The following UPF2 variants were observed in gnomAD, a reference collection of about 807,000 sequenced individuals.
The protein encoded by UPF2 is UPF2 regulator of nonsense mediated mRNA decay.
In UPF2, 17 loss-of-function variants were observed where a neutral mutation model predicts 141.4. That is an observed-to-expected ratio of 0.12 (90% CI 0.08 to 0.18). The LOEUF (loss-of-function observed/expected upper bound fraction) is 0.18. Among genes scored for constraint, UPF2 ranks in the 10% least tolerant of loss-of-function variants. The probability of loss-of-function intolerance (pLI) is 1.00; values close to 1 mark genes in which losing one functional copy is unlikely to be tolerated. For missense variants in UPF2, 1,152 were observed against 1,515.9 expected, an observed-to-expected ratio of 0.76 and a Z score of 3.99; for synonymous variants, 540 against 498.0, an observed-to-expected ratio of 1.08 and a Z score of -1.12.
At chr10:11,930,257 T>G (rs897104889) in intron 20 of UPF2, among the ~76,000 whole-genome samples, 7 of 152,232 alleles carry the variant, frequency 4.6e-5, no homozygotes, top group Non-Finnish European at 7.3e-5. Context: ...TAAGAGGCAG[T>G]GCATTGCAAT....
Position 12,035,077 on chromosome 10 carries a change from T to A in UPF2, c.347A>T (p.Glu116Val), listed in dbSNP as rs150841556. ...EEQAKRQQEE[E>V]AAAQMKEKEE... The stretch of plus-strand genomic sequence containing the variant: ...GCCTTACTTCATCTGAGCAGCTGCT[T>A]CTTCTTCTTGCTGACGTTTGGCCTG... Residue 116 changes from glutamate (E) to valine (V), a missense_variant, in exon 2 of 22, where the codon GAA (glutamate) becomes GTA (valine). Coordinates refer to ENST00000357604, the MANE Select transcript of UPF2 (RefSeq NM_015542.4). 4 of 1,568,840 alleles carry A rather than the reference T, an allele frequency of 2.5e-6. No homozygotes were observed. The Middle Eastern group carries it at 6.9e-4, about 269-fold the overall frequency.
chr10:11,931,697 C>T lies in UPF2; in HGVS notation c.3632G>A (p.Arg1211Lys). ...GATATCTAGTGTGAGCTTTTTCATT[C>T]TCATCCTCTCTTCTTGTTCTGCCTG... ...QQQAEQEERMRMKKLTLDINE... is the reference protein window; with the variant it reads ...QQQAEQEERMKMKKLTLDINE... Residue 1211 changes from arginine to lysine, a missense_variant, in exon 20 of 22, where the codon AGA (arginine) becomes AAA (lysine). Physicochemically the swap from Arg to Lys is conservative, Grantham distance 26. This residue lies in a region of UPF2 where 66 missense variants were observed against 123.5 expected (regional missense o/e 0.53). Transcript: ENST00000357604. This position sits in a 1 kb window ranked among gnomAD's most constrained non-coding sequence, Gnocchi z 5.9. 3.7e-6 allele frequency: 6 copies of T among 1,613,406 alleles called. No homozygotes were observed. Among genetic ancestry groups the T allele is most frequent in the Non-Finnish European group, 4.2e-6 (5 of 1,179,902 alleles).
At chr10:11,954,434 G>C (rs1833116331) in intron 14 of UPF2, among the ~76,000 whole-genome samples, 1 of 151,738 alleles carries the variant, frequency 6.6e-6, no homozygotes. Flanking sequence ...AGGAGTTCAA[G>C]ACCAGCCTAA....
At chr10:11,948,625 GA>G in intron 15 of UPF2, 117 bp from the exon 16 acceptor site, 1 of 1,169,112 alleles carries the variant, frequency 8.6e-7, no homozygotes, top group Non-Finnish European at 1.2e-6. Flanking sequence ...CATTTTCTCA[GA>G]ACAAAGGTAA....
Position 12,004,721 on chromosome 10 carries a change from C to G in UPF2, c.1313G>C (p.Gly438Ala). 1.2e-6 allele frequency: 2 copies of G among 1,611,072 alleles called. No homozygotes were observed. The highest frequency in any genetic ancestry group is 1.7e-6 in the Non-Finnish European group (2 of 1,179,024). ...AGGTGTGAATATATCAATTCCAGGC[C>G]CATGTTCTACAATAAAATAAATCAC... ...PQDKPTPEEH[G>A]PGIDIFTPGK... The change falls in exon 5 of 22, where the codon GGG becomes GCG. Residue 438 changes from glycine to alanine, a missense_variant. By Grantham distance (60) the Gly-to-Ala change is moderately conservative. Transcript: ENST00000357604.
chr10:11,948,645 A>C, intron 15 of UPF2, 137 bp from the exon 16 acceptor site: 1 of 996,544 alleles, frequency 1.0e-6, no homozygotes, highest in South Asian at 1.8e-5. Context: ...AAAAGAATTA[A>C]AAACTACGGT....
At chr10:11,934,871 A>C (rs566324327) in intron 19 of UPF2, among the ~76,000 whole-genome samples, 136 of 152,332 alleles carry the variant, frequency 8.9e-4, no homozygotes, top group Admixed American at 7.0e-3. Context: ...TACAGGTGTG[A>C]GCCACTATGC....
At chr10:11,982,001 T>C (rs1833605042) in intron 8 of UPF2, among the ~76,000 whole-genome samples, 1 of 149,572 alleles carries the variant, frequency 6.7e-6, no homozygotes, top group South Asian at 2.1e-4. Flanking sequence ...GTTACGCTTA[T>C]AAACATGTAA....
At chr10:12,007,569 G>T (rs528824467) in intron 4 of UPF2, among the ~76,000 whole-genome samples, 1 of 152,038 alleles carries the variant, frequency 6.6e-6, no homozygotes, top group Non-Finnish European at 1.5e-5. Flanking sequence ...AGTGGCTCAC[G>T]CCTGTAATCC....
intron 8 of UPF2, among the ~76,000 whole-genome samples, chr10:11,988,308 T>C (rs1047002091): frequency 6.6e-6 from 1 of 152,212 alleles, no homozygotes; most frequent in African/African-American, 2.4e-5. Flanking sequence ...GCTGTGTTTA[T>C]TTTTGTAATT....
At chr10:12,010,361 T>C (rs1410864769) in intron 4 of UPF2, among the ~76,000 whole-genome samples, 1 of 152,202 alleles carries the variant, frequency 6.6e-6, no homozygotes, top group Non-Finnish European at 1.5e-5. Context: ...AAAACAGTTA[T>C]TGTAACTGTA....
At chr10:11,985,632 A>C (rs1210315793) in intron 8 of UPF2, among the ~76,000 whole-genome samples, 1 of 150,510 alleles carries the variant, frequency 6.6e-6, no homozygotes, top group East Asian at 2.0e-4. Context: ...AAAAAAAAAA[A>C]AAAACAAACA....
chr10:11,948,269 A>C, intron 16 of UPF2, 100 bp downstream of exon 16: 3 of 1,067,514 alleles, frequency 2.8e-6, no homozygotes, highest in Non-Finnish European at 3.8e-6. Context: ...AAAAAAAAAA[A>C]ACCAGGAGGA....
intron 1 of UPF2, among the ~76,000 whole-genome samples, chr10:12,036,893 C>T (rs752360260): frequency 2.6e-5 from 4 of 152,030 alleles, no homozygotes; most frequent in Non-Finnish European, 5.9e-5. Context: ...GGTATGGTGG[C>T]GCATGCCTGT....
At chr10:11,955,131 T>G in intron 14 of UPF2, 101 bp downstream of exon 14, 2 of 1,137,660 alleles carry the variant, frequency 1.8e-6, no homozygotes, top group Non-Finnish European at 1.2e-6. Flanking sequence ...TGAACATATA[T>G]ATAATATATG....
chr10:11,976,317 G>T (rs1045369846), intron 9 of UPF2, among the ~76,000 whole-genome samples: 2 of 152,104 alleles, frequency 1.3e-5, no homozygotes, highest in African/African-American at 4.8e-5. Flanking sequence ...CATAACTCCA[G>T]GTATGGAAAA....
At chr10:12,023,781 A>G (rs1050337106) in intron 3 of UPF2, among the ~76,000 whole-genome samples, 1 of 151,988 alleles carries the variant, frequency 6.6e-6, no homozygotes, top group African/African-American at 2.4e-5. Flanking sequence ...GCTTGAGCTC[A>G]GGAGTTTGGG....
At chr10:11,934,834 C>T (rs573121335) in intron 19 of UPF2, among the ~76,000 whole-genome samples, 4 of 152,140 alleles carry the variant, frequency 2.6e-5, no homozygotes, top group Non-Finnish European at 5.9e-5. Flanking sequence ...GTGATCCGCC[C>T]GCCTTGGCCT....
chr10:11,926,017 G>C (rs1832708569), intron 21 of UPF2, among the ~76,000 whole-genome samples: 1 of 152,218 alleles, frequency 6.6e-6, no homozygotes, highest in Non-Finnish European at 1.5e-5. Flanking sequence ...GTTGAAGGTT[G>C]AGACGGAGAG....
Sources: allele counts gnomAD v4.1 joint callset (sites outside exome capture counted in the v4.1 genomes callset), GRCh38; gene constraint gnomAD v4.1.1; regional missense constraint gnomAD v4.1.1; non-coding constraint Gnocchi (gnomAD v3.1); transcripts MANE v1.5; gene names NCBI Gene and HGNC (gene_info 2026-07-23, HGNC 2026-07-21).